Variants in HIBADH observed in about 807,000 individuals in gnomAD.
HIBADH encodes the protein 3-hydroxyisobutyrate dehydrogenase, mitochondrial.
A neutral mutation model predicts 36.1 loss-of-function variants in HIBADH; 25 were observed. The ratio of observed to expected loss-of-function variants is 0.69; its 90% confidence interval spans 0.50 to 0.97. The LOEUF is 0.97. HIBADH is among the 50% of genes least tolerant of loss of function. The pLI is 0.00. For missense variants in HIBADH, 421 were observed against 418.0 expected (o/e 1.01, Z -0.06); for synonymous variants, 160 against 149.5 (o/e 1.07, Z -0.51).
chr7:27,623,113 T>C (rs1462005121), intron 4 of HIBADH, among the ~76,000 whole-genome samples: 1 of 152,068 alleles, frequency 6.6e-6, no homozygotes, highest in Non-Finnish European at 1.5e-5. Flanking sequence ...TCTATGCAAA[T>C]CAACAAATGT....
At chr7:27,658,021 G>A (rs1244065546) in intron 1 of HIBADH, among the ~76,000 whole-genome samples, 1 of 152,080 alleles carries the variant, frequency 6.6e-6, no homozygotes, top group Non-Finnish European at 1.5e-5. Flanking sequence ...GCCCCTTTTT[G>A]CCTAGTGGGT....
intron 7 of HIBADH, among the ~76,000 whole-genome samples, 166 bp downstream of exon 7, chr7:27,531,026 G>C (rs749496283): frequency 6.6e-6 from 1 of 151,890 alleles, no homozygotes; most frequent in Non-Finnish European, 1.5e-5. Flanking sequence ...AACAAGATAA[G>C]GATTTTCATC....
intron 4 of HIBADH, among the ~76,000 whole-genome samples, chr7:27,629,159 TTA>T (rs1785701151): frequency 6.6e-6 from 1 of 151,948 alleles, no homozygotes; most frequent in Non-Finnish European, 1.5e-5. Flanking sequence ...CACTTCAAAG[TTA>T]TGACACTTTT....
At chr7:27,634,376 T>G (rs1048177043) in intron 2 of HIBADH, among the ~76,000 whole-genome samples, 14 of 152,088 alleles carry the variant, frequency 9.2e-5, no homozygotes, top group African/African-American at 3.4e-4. Flanking sequence ...AGCGCTTAAG[T>G]TGCATGAAAA....
chr7:27,526,405 A>C lies in HIBADH; in HGVS notation c.853-33T>G. The C allele has an allele frequency of 1.9e-6, 3 of 1,576,934 alleles. No homozygotes were observed. The South Asian group carries it at 3.6e-5, about 19-fold the overall frequency. ...AAACAGGAGGAGAGAACACGCTGAG[A>C]CTGGTGGTAAAGGCTCTTTGGAACT... is the stretch of plus-strand genomic sequence containing the variant. On this transcript the variant is annotated intron_variant, in intron 7 of 7. Coordinates refer to ENST00000265395, the MANE Select transcript of HIBADH (RefSeq NM_152740.4).
chr7:27,544,653 C>A (rs1210218793), intron 4 of HIBADH, among the ~76,000 whole-genome samples: 1 of 152,126 alleles, frequency 6.6e-6, no homozygotes, highest in Non-Finnish European at 1.5e-5. Context: ...TCCTCCTAAT[C>A]CTGTTGATCT....
chr7:27,625,477 T>TA (rs1055258035), intron 4 of HIBADH, among the ~76,000 whole-genome samples: 27 of 145,588 alleles, frequency 1.9e-4, no homozygotes, highest in African/African-American at 3.3e-4. Context: ...GAGTTAAACT[T>TA]AAAAAAAAAA....
intron 2 of HIBADH, among the ~76,000 whole-genome samples, chr7:27,645,382 T>TTTTGTTTTTTTTTTTTTTG (rs1554300970): frequency 7.7e-6 from 1 of 129,080 alleles, no homozygotes; most frequent in African/African-American, 3.1e-5. Context: ...TTTTTTTTTT[T>TTTTGTTTTTTTTTTTTTTG]TTTTTTTTTT....
intron 4 of HIBADH, among the ~76,000 whole-genome samples, chr7:27,578,544 G>A (rs911881012): frequency 4.6e-5 from 7 of 151,962 alleles, no homozygotes; most frequent in African/African-American, 7.3e-5. Flanking sequence ...CTCAAACTCC[G>A]GAACTCAGGC....
chr7:27,568,588 G>C (rs1784581795), intron 4 of HIBADH, among the ~76,000 whole-genome samples: 1 of 151,962 alleles, frequency 6.6e-6, no homozygotes, highest in East Asian at 1.9e-4. Flanking sequence ...CTCCCAAGTA[G>C]GTGGGATTAC....
At chr7:27,627,784 T>C (rs1785674271) in intron 4 of HIBADH, among the ~76,000 whole-genome samples, 1 of 152,214 alleles carries the variant, frequency 6.6e-6, no homozygotes. Context: ...TTTAATCTAC[T>C]ACATATGCAG....
At chr7:27,623,041 G>C (rs1200187496) in intron 4 of HIBADH, among the ~76,000 whole-genome samples, 1 of 152,102 alleles carries the variant, frequency 6.6e-6, no homozygotes, top group South Asian at 2.1e-4. Context: ...GAATCCAGTA[G>C]CATATCAAAA....
intron 4 of HIBADH, among the ~76,000 whole-genome samples, chr7:27,601,612 TA>T (rs571664376): frequency 3.9e-5 from 6 of 152,118 alleles, no homozygotes; most frequent in Admixed American, 2.6e-4. Flanking sequence ...AATAAAAATT[TA>T]AAAATTTAAG....
intron 1 of HIBADH, among the ~76,000 whole-genome samples, chr7:27,651,876 A>T (rs555069161): frequency 2.0e-5 from 3 of 152,334 alleles, no homozygotes; most frequent in African/African-American, 7.2e-5. Context: ...ATGAGAATTC[A>T]TGGTGTGGGA....
intron 4 of HIBADH, among the ~76,000 whole-genome samples, chr7:27,610,691 T>C (rs768890904): frequency 1.6e-4 from 24 of 152,230 alleles, no homozygotes; most frequent in Non-Finnish European, 3.4e-4. Context: ...TGAAATTTGA[T>C]GGAAGAATTT....
At chr7:27,637,854 T>A (rs1451600807) in intron 2 of HIBADH, among the ~76,000 whole-genome samples, 1 of 151,724 alleles carries the variant, frequency 6.6e-6, no homozygotes, top group African/African-American at 2.4e-5. Flanking sequence ...ACAAAAAGAA[T>A]AAAATACAGG....
intron 4 of HIBADH, among the ~76,000 whole-genome samples, chr7:27,578,815 T>A (rs1443266434): frequency 2.6e-5 from 4 of 152,152 alleles, no homozygotes; most frequent in Non-Finnish European, 5.9e-5. Context: ...GAAAAGCAGG[T>A]GCAAGCAGGC....
chr7:27,602,377 T>G (rs1785145371), intron 4 of HIBADH, among the ~76,000 whole-genome samples: 1 of 152,188 alleles, frequency 6.6e-6, no homozygotes, highest in Admixed American at 6.5e-5. Flanking sequence ...GTGTGCATTT[T>G]CACACTTTCC....
intron 4 of HIBADH, among the ~76,000 whole-genome samples, chr7:27,587,508 AAAG>A (rs149188524): frequency 1.9e-3 from 285 of 152,284 alleles, no homozygotes; most frequent in African/African-American, 6.2e-3. Context: ...TTTTAAATAA[AAAG>A]AAAAGAAGTG....
Sources: gnomAD v4.1 joint callset for allele counts (sites outside exome capture counted in the v4.1 genomes callset) on GRCh38, gnomAD v4.1.1 for gene constraint, MANE v1.5 for transcripts, NCBI Gene and HGNC (gene_info 2026-07-23, HGNC 2026-07-21) for gene names.